DPP6: variants seen among roughly 807,000 people sequenced by gnomAD.
DPP6 encodes dipeptidyl peptidase like 6.
A neutral mutation model predicts 122.6 loss-of-function variants in DPP6; 69 were observed. That is an observed-to-expected ratio of 0.56 (90% CI 0.46 to 0.69). The LOEUF is 0.69. Among genes scored for constraint, DPP6 ranks in the 30% least tolerant of loss-of-function variants. DPP6 has a pLI of 0.00. For synonymous variants in DPP6, 418 were observed against 433.1 expected (o/e 0.97, Z 0.43); for missense variants, 928 against 1,116.9 (o/e 0.83, Z 2.41).
Position 154,062,726 on chromosome 7 carries a change from A to AG in DPP6, c.243+9672dup, listed in dbSNP as rs569916588. ...ACCTGGCTGTTGGTACCCCCATCGT[A>AG]GGGGGGGGGAGGCACCCTCCGCGAG... On this transcript the variant is annotated intron_variant, in intron 1 of 25. Coordinates refer to ENST00000377770, the MANE Select transcript of DPP6 (RefSeq NM_130797.4). 5.3e-4 allele frequency among the ~76,000 whole-genome samples: 25 copies of AG among 47,076 alleles called. 2 individuals are homozygous for AG. The South Asian group carries it at 0.012, about 23-fold the overall frequency. The allele number at this position is 47,076 out of a possible 152,430, so 30.9% of individuals were successfully genotyped here.
At chr7:154,032,563 T>C (rs1799300114) in intron 1 of DPP6, among the ~76,000 whole-genome samples, 1 of 152,242 alleles carries the variant, frequency 6.6e-6, no homozygotes, top group South Asian at 2.1e-4. Flanking sequence ...GTGTTTTAAA[T>C]ACATTGTGAA....
chr7:153,820,368 T>C, the DPP6 span, among the ~76,000 whole-genome samples: 1 of 152,188 alleles, frequency 6.6e-6, no homozygotes, highest in South Asian at 2.1e-4. Flanking sequence ...TTTAAGAAAA[T>C]AGTAGTTTCT....
At chr7:154,513,166 A>G (rs1271006164) in intron 3 of DPP6, among the ~76,000 whole-genome samples, 1 of 152,188 alleles carries the variant, frequency 6.6e-6, no homozygotes, top group African/African-American at 2.4e-5. Flanking sequence ...TAAATGACTT[A>G]TAGGGCCATT....
intron 1 of DPP6, among the ~76,000 whole-genome samples, chr7:154,186,864 T>A (rs1343364943): frequency 6.6e-6 from 1 of 152,256 alleles, no homozygotes; most frequent in Non-Finnish European, 1.5e-5. Context: ...AGAAGTAGAT[T>A]AGAAAACAGT....
intron 1 of DPP6, among the ~76,000 whole-genome samples, chr7:154,175,172 G>A (rs1221459852): frequency 1.3e-5 from 2 of 152,020 alleles, no homozygotes; most frequent in East Asian, 3.9e-4. Flanking sequence ...ACGTTGTCAC[G>A]AACCCAGTGT....
At chr7:154,867,310 T>C (rs1048241653) in intron 17 of DPP6, among the ~76,000 whole-genome samples, 3 of 152,178 alleles carry the variant, frequency 2.0e-5, no homozygotes, top group Admixed American at 6.5e-5. Flanking sequence ...TCTGAAGAAA[T>C]AGATAACGAG....
chr7:154,771,185 G>C (rs1796230077), intron 9 of DPP6, among the ~76,000 whole-genome samples: 1 of 152,260 alleles, frequency 6.6e-6, no homozygotes, highest in African/African-American at 2.4e-5. Context: ...TATGAGGCCA[G>C]TGAGGTTCCC....
chr7:154,152,576 A>G (rs1041925918), intron 1 of DPP6, among the ~76,000 whole-genome samples: 40 of 152,298 alleles, frequency 2.6e-4, no homozygotes, highest in African/African-American at 9.4e-4. Context: ...TTTCAGGCCA[A>G]TCCATTTTGG....
intron 1 of DPP6, among the ~76,000 whole-genome samples, chr7:154,430,098 G>T (rs576530547): frequency 1.3e-5 from 2 of 152,198 alleles, no homozygotes; most frequent in South Asian, 4.1e-4. Context: ...GAATCTCAGG[G>T]TTTGGCACTG....
chr7:154,315,761 A>T (rs1309133508), intron 1 of DPP6, among the ~76,000 whole-genome samples: 2 of 152,190 alleles, frequency 1.3e-5, no homozygotes, highest in East Asian at 3.9e-4. Flanking sequence ...GGCTAAAGGA[A>T]TATGGTTCTG....
intron 3 of DPP6, among the ~76,000 whole-genome samples, chr7:154,531,694 A>G (rs1036956002): frequency 1.3e-5 from 2 of 152,166 alleles, no homozygotes; most frequent in African/African-American, 4.8e-5. Flanking sequence ...TGTGTCATAA[A>G]CTAAAACTAT....
At chr7:153,837,961 A>T in the DPP6 span, among the ~76,000 whole-genome samples, 17 of 149,600 alleles carry the variant, frequency 1.1e-4, no homozygotes, top group African/African-American at 3.7e-4. Context: ...GGTGTGAGCC[A>T]CCATACCTCT....
chr7:153,790,462 G>A, the DPP6 span, among the ~76,000 whole-genome samples: 1 of 152,058 alleles, frequency 6.6e-6, no homozygotes, highest in Admixed American at 6.6e-5. Context: ...AATTCAATAA[G>A]ATCCCCGAGT....
intron 8 of DPP6, among the ~76,000 whole-genome samples, chr7:154,738,947 C>T (rs991472658): frequency 6.6e-6 from 1 of 152,114 alleles, no homozygotes; most frequent in African/African-American, 2.4e-5. Flanking sequence ...TATTTCTCGT[C>T]GGAGATCACT....
chr7:154,610,828 C>A (rs1427939961), intron 5 of DPP6, among the ~76,000 whole-genome samples: 11 of 152,034 alleles, frequency 7.2e-5, no homozygotes. Flanking sequence ...CACCCTTATT[C>A]ACTCATCTGA....
At chr7:154,341,965 A>G (rs1025520781) in intron 1 of DPP6, among the ~76,000 whole-genome samples, 15 of 152,232 alleles carry the variant, frequency 9.9e-5, no homozygotes, top group South Asian at 4.1e-4. Flanking sequence ...CACCTGCACT[A>G]GAAACTATGG....
chr7:154,779,529 C>G (rs933585360), intron 10 of DPP6, among the ~76,000 whole-genome samples: 3 of 152,302 alleles, frequency 2.0e-5, no homozygotes, highest in East Asian at 1.9e-4. Flanking sequence ...GTAGTAGAAC[C>G]AGGACTTGAG....
At chr7:154,719,311 G>A (rs1441217259) in intron 7 of DPP6, among the ~76,000 whole-genome samples, 1 of 152,138 alleles carries the variant, frequency 6.6e-6, no homozygotes, top group Admixed American at 6.5e-5. Flanking sequence ...GGGCTGTATG[G>A]GCTGGGGATG....
intron 1 of DPP6, among the ~76,000 whole-genome samples, chr7:154,032,466 C>G (rs73163491): frequency 0.031 from 4,681 of 152,246 alleles, 110 homozygotes; most frequent in East Asian, 0.051. Flanking sequence ...TTGTCCAAGA[C>G]AATTCCCCAG....
Sources: allele counts gnomAD v4.1 joint callset (sites outside exome capture counted in the v4.1 genomes callset), GRCh38; gene constraint gnomAD v4.1.1; transcripts MANE v1.5; gene names NCBI Gene and HGNC (gene_info 2026-07-23, HGNC 2026-07-21).